Variants in HIPK3 observed in about 807,000 individuals in gnomAD.
HIPK3 encodes the protein homeodomain-interacting protein kinase 3.
In HIPK3, 47 loss-of-function variants were observed where a neutral mutation model predicts 124.2. The observed-to-expected ratio is 0.38, with a 90% CI of 0.30 to 0.48. The LOEUF (loss-of-function observed/expected upper bound fraction) is 0.48, where lower values mean the gene tolerates loss of function less well. Among genes scored for constraint, HIPK3 ranks in the 20% least tolerant of loss-of-function variants. The probability of loss-of-function intolerance (pLI) is 0.98; values close to 1 mark genes in which losing one functional copy is unlikely to be tolerated. For synonymous variants in HIPK3, 482 were observed against 515.2 expected (o/e 0.94, Z 0.87); for missense variants, 1,286 against 1,454.3 (o/e 0.88, Z 1.88).
rs2133902588 is a variant in HIPK3, at chr11:33,287,195, G to C, written c.781G>C (p.Ala261Pro). The C allele has an allele frequency of 1.2e-6, 2 of 1,614,166 alleles. No individual in the cohort carries two copies. The highest frequency in any genetic ancestry group is 4.5e-5 in the East Asian group (2 of 44,890). Residue 261 changes from alanine (A) to proline (P), a missense_variant, in exon 2 of 17, where the codon GCT becomes CCT. By Grantham distance (27) the Ala-to-Pro change is conservative. Around this residue, in one of 3 missense-constraint regions of HIPK3, gnomAD observed 251 missense variants for 349.1 expected, o/e 0.72. Transcript: ENST00000303296. The stretch of plus-strand genomic sequence containing the variant: ...TGCTGATGAATATAACTTTGTACGA[G>C]CTTATGAATGCTTTCAGCACCGTAA... ...ENADEYNFVR[A>P]YECFQHRNHT...
At chr11:33,292,502 G>A (rs548318653) in intron 2 of HIPK3, among the ~76,000 whole-genome samples, 7 of 152,182 alleles carry the variant, frequency 4.6e-5, no homozygotes, top group South Asian at 4.2e-4. Context: ...CTAGGGGAGC[G>A]ATGACCCCAG....
At chr11:33,352,766 G>A (rs763874400) in intron 16 of HIPK3, among the ~76,000 whole-genome samples, 1 of 152,114 alleles carries the variant, frequency 6.6e-6, no homozygotes, top group Non-Finnish European at 1.5e-5. Flanking sequence ...ATAACATTGT[G>A]TATGTAAATG....
At chr11:33,353,067 A>ATTT in intron 16 of HIPK3, 25 bp from the exon 17 acceptor site, 19 of 1,041,598 alleles carry the variant, frequency 1.8e-5, no homozygotes, top group South Asian at 7.1e-5. Flanking sequence ...TTATTCAGTC[A>ATTT]TTTTTTTTTT....
chr11:33,345,734 TAAG>T (rs1215148311), intron 8 of HIPK3, among the ~76,000 whole-genome samples: 1 of 151,806 alleles, frequency 6.6e-6, no homozygotes, highest in African/African-American at 2.4e-5. Flanking sequence ...TTAGCAGGAG[TAAG>T]AAGATTTTTA....
At chr11:33,273,868 T>C (rs943678291) in intron 1 of HIPK3, among the ~76,000 whole-genome samples, 3 of 152,208 alleles carry the variant, frequency 2.0e-5, no homozygotes. Context: ...AGTTAAATAT[T>C]TATCTTTTCA....
chr11:33,326,503 G>A (rs998245226), intron 2 of HIPK3, among the ~76,000 whole-genome samples: 3 of 152,116 alleles, frequency 2.0e-5, no homozygotes, highest in Non-Finnish European at 2.9e-5. Context: ...TATTCTATAC[G>A]AAAAGATACC....
chr11:33,335,844 AAC>A (rs921122496), intron 3 of HIPK3: 1 of 152,042 alleles, frequency 6.6e-6, no homozygotes, highest in African/African-American at 2.4e-5. Flanking sequence ...AGGATGGAAA[AAC>A]AATTTTAGCC....
chr11:33,293,368 A>T lies in HIPK3; in HGVS notation c.1097+5857A>T, dbSNP rs1565068414. Among the ~76,000 whole-genome samples the T allele has an allele frequency of 2.0e-5, 3 of 152,122 alleles. No individual in the cohort carries two copies. The South Asian group carries it at 6.2e-4, about 31-fold the overall frequency. On this transcript the variant is annotated intron_variant, in intron 2 of 16. Transcript: ENST00000303296. The stretch of plus-strand genomic sequence containing the variant: ...TATTTCTCACCTGACACAATTTTTG[A>T]ATATTTACATTACCCTCAAAAGAAG...
rs1036348943 is a variant in HIPK3, at chr11:33,348,916, C to G, written c.2666+98C>G. 5 of 1,177,824 alleles carry G rather than the reference C, an allele frequency of 4.2e-6. No individual in the cohort carries two copies. The African/African-American group carries it at 6.2e-5, about 15-fold the overall frequency. 73.0% of individuals were successfully genotyped at this position (1,177,824 alleles called of 1,614,324 possible). A position where few individuals can be genotyped will look rare whatever the true frequency, so the allele number is the denominator to read the frequency against. ...GACTTATTTCTTGTTTGTCAATGTACTCTGGAGTAAAACCTTTAAATTAGA... is the reference window on the plus strand; with the variant it reads ...GACTTATTTCTTGTTTGTCAATGTAGTCTGGAGTAAAACCTTTAAATTAGA... On this transcript the variant is annotated intron_variant, in intron 13 of 16. Coordinates refer to ENST00000303296, the MANE Select transcript of HIPK3 (RefSeq NM_005734.5).
intron 1 of HIPK3, among the ~76,000 whole-genome samples, chr11:33,271,767 ATCTT>A (rs889606134): frequency 1.3e-5 from 2 of 152,174 alleles, no homozygotes; most frequent in Non-Finnish European, 2.9e-5. Flanking sequence ...CTTTCTTAAT[ATCTT>A]TCTTTTTTAT....
chr11:33,337,233 T>G, intron 4 of HIPK3, 39 bp downstream of exon 4: 2 of 1,293,952 alleles, frequency 1.5e-6, no homozygotes, highest in Non-Finnish European at 2.2e-6. Flanking sequence ...AAGACTAGTT[T>G]TCTAAGATGC....
intron 3 of HIPK3, among the ~76,000 whole-genome samples, 200 bp from the exon 4 acceptor site, chr11:33,336,875 T>C (rs1359415889): frequency 6.6e-6 from 1 of 152,244 alleles, no homozygotes; most frequent in African/African-American, 2.4e-5. Context: ...GTATGCCTTT[T>C]CTATCAAGCG....
At chr11:33,282,315 G>A (rs1851431509) in intron 1 of HIPK3, among the ~76,000 whole-genome samples, 1 of 151,768 alleles carries the variant, frequency 6.6e-6, no homozygotes, top group South Asian at 2.1e-4. Context: ...AGCTCAGGAG[G>A]TCGAAGCTGC....
chr11:33,278,569 G>A (rs1326166205), intron 1 of HIPK3, among the ~76,000 whole-genome samples: 2 of 152,126 alleles, frequency 1.3e-5, no homozygotes, highest in Non-Finnish European at 2.9e-5. Context: ...TGTTTTTTTA[G>A]CATGCTCACT....
rs563914890 is a variant in HIPK3 at position 33,348,331 on chromosome 11, A to G, written c.2369+103A>G. ...TACCAAAAAGCAACTATTTAAATGTATGTAAATGCAGTCTACATGGATATT... is the reference window on the plus strand; with the variant it reads ...TACCAAAAAGCAACTATTTAAATGTGTGTAAATGCAGTCTACATGGATATT... On this transcript the variant is annotated intron_variant, in intron 12 of 16. Coordinates refer to ENST00000303296, the MANE Select transcript of HIPK3 (RefSeq NM_005734.5). The G allele has an allele frequency of 3.2e-5, 36 of 1,113,416 alleles. No homozygotes were observed. The Admixed American group carries it at 8.1e-4, about 25-fold the overall frequency. The allele number at this position is 1,113,416 out of a possible 1,614,324, so 69.0% of individuals were successfully genotyped here. A position where few individuals can be genotyped will look rare whatever the true frequency, so the allele number is the denominator to read the frequency against.
In HIPK3 at chr11:33,331,097, G is replaced by C. The variant is rs1055459401; in HGVS notation, c.1221+2464G>C. Among the ~76,000 whole-genome samples the C allele has an allele frequency of 2.0e-5, 3 of 152,026 alleles. No individual in the cohort carries two copies. The East Asian group carries it at 5.8e-4, about 30-fold the overall frequency. The stretch of plus-strand genomic sequence containing the variant: ...GGGGTTTCATCATATTGACGAGGCA[G>C]GTCTTAAACTCCTGATCTCAAATGA... On this transcript the variant is annotated intron_variant, in intron 3 of 16. Transcript: ENST00000303296.
intron 2 of HIPK3, among the ~76,000 whole-genome samples, chr11:33,291,028 G>A (rs772724554): frequency 2.8e-4 from 43 of 152,164 alleles, no homozygotes; most frequent in Non-Finnish European, 5.3e-4. Context: ...TAGATTTTAT[G>A]TCATTTAGAT....
intron 2 of HIPK3, among the ~76,000 whole-genome samples, chr11:33,295,645 G>A (rs1272773422): frequency 2.0e-5 from 3 of 152,182 alleles, no homozygotes; most frequent in South Asian, 2.1e-4. Flanking sequence ...CTTTTGAAGC[G>A]TACTGGCCAG....
At chr11:33,335,697 G>T (rs1359731169) in intron 3 of HIPK3, 2 of 151,892 alleles carry the variant, frequency 1.3e-5, no homozygotes, top group Admixed American at 6.6e-5. Flanking sequence ...GGTGGGGAGA[G>T]AGCTCAGAGG....
Sources: gnomAD v4.1 joint callset for allele counts (sites outside exome capture counted in the v4.1 genomes callset) on GRCh38, gnomAD v4.1.1 for gene constraint, gnomAD v4.1.1 regional missense constraint, MANE v1.5 for transcripts, NCBI Gene and HGNC (gene_info 2026-07-23, HGNC 2026-07-21) for gene names.